Variants in ATF6 observed in about 807,000 individuals in gnomAD.
The protein encoded by ATF6 is cyclic AMP-dependent transcription factor ATF-6 alpha.
ATF6 carries 53 observed loss-of-function variants against 83.6 expected under a neutral mutation model. The ratio of observed to expected loss-of-function variants is 0.63; its 90% CI spans 0.51 to 0.80. ATF6 has a LOEUF of 0.80. Among genes scored for constraint, ATF6 ranks in the 30% least tolerant of loss-of-function variants. ATF6 has a pLI of 0.00. For synonymous variants in ATF6, 288 were observed against 285.8 expected (o/e 1.01, Z -0.08); for missense variants, 744 against 797.9 (o/e 0.93, Z 0.81).
At chr1:161,880,036 A>G (rs1390926493) in intron 14 of ATF6, among the ~76,000 whole-genome samples, 1 of 152,146 alleles carries the variant, frequency 6.6e-6, no homozygotes, top group Non-Finnish European at 1.5e-5. Context: ...CTTTATAGCA[A>G]TCAGGGAACT....
intron 14 of ATF6, among the ~76,000 whole-genome samples, chr1:161,909,913 G>T (rs1362976482): frequency 1.3e-5 from 2 of 152,162 alleles, no homozygotes; most frequent in African/African-American, 2.4e-5. Flanking sequence ...TGGAGATCGT[G>T]CCACTGCACT....
chr1:161,888,252 T>G (rs1182123295), intron 14 of ATF6, among the ~76,000 whole-genome samples: 1 of 152,222 alleles, frequency 6.6e-6, no homozygotes, highest in African/African-American at 2.4e-5. Flanking sequence ...CAACTAGAAG[T>G]ATTTACTTTT....
rs746444105 is a variant in ATF6 at position 161,802,045 on chromosome 1, A to T, written c.689-7A>T. 1.2e-6 allele frequency: 2 copies of T among 1,613,740 alleles called. No homozygotes were observed. Among genetic ancestry groups the T allele is most frequent in the East Asian group, 4.5e-5 (2 of 44,894 alleles). ...CCCTTTGATTCCTTTTCTTTTTTCT[A>T]ACGCAGGCCAGACGGTTTTGCTGTC... On this transcript the variant is annotated splice_polypyrimidine_tract_variant and splice_region_variant and intron_variant, in intron 6 of 15. Transcript: ENST00000367942.
At chr1:161,817,530 AGT>A (rs1685642178) in intron 7 of ATF6, among the ~76,000 whole-genome samples, 1 of 151,746 alleles carries the variant, frequency 6.6e-6, no homozygotes, top group Non-Finnish European at 1.5e-5. Context: ...TGTGTGTGTG[AGT>A]GTGTGTGCAT....
intron 14 of ATF6, among the ~76,000 whole-genome samples, chr1:161,879,488 G>C (rs188671858): frequency 2.0e-5 from 3 of 152,094 alleles, no homozygotes; most frequent in African/African-American, 7.2e-5. Context: ...TTACAATATG[G>C]TGTGATGGTT....
At chr1:161,878,028 A>G (rs1687251430) in intron 14 of ATF6, among the ~76,000 whole-genome samples, 1 of 152,114 alleles carries the variant, frequency 6.6e-6, no homozygotes, top group South Asian at 2.1e-4. Flanking sequence ...ATTCAAGGGA[A>G]TGTGTGCAAT....
chr1:161,936,419 C>G (rs1688537913), intron 15 of ATF6, among the ~76,000 whole-genome samples: 1 of 152,118 alleles, frequency 6.6e-6, no homozygotes, highest in South Asian at 2.1e-4. Flanking sequence ...AATGCAGTAT[C>G]CATCCCTTCA....
At chr1:161,915,477 G>T in intron 15 of ATF6, among the ~76,000 whole-genome samples, 1 of 152,066 alleles carries the variant, frequency 6.6e-6, no homozygotes, top group East Asian at 1.9e-4. Flanking sequence ...AGACATCATT[G>T]CCAACTTCTA....
chr1:161,780,381 AT>A (rs1328968342), intron 2 of ATF6, among the ~76,000 whole-genome samples: 10 of 145,814 alleles, frequency 6.9e-5, no homozygotes, highest in African/African-American at 1.8e-4. Context: ...TTTTATTTTT[AT>A]TTTTTTTTTG....
chr1:161,886,472 A>G (rs1339585361), intron 14 of ATF6, among the ~76,000 whole-genome samples: 1 of 152,258 alleles, frequency 6.6e-6, no homozygotes, highest in Non-Finnish European at 1.5e-5. Context: ...TCTTCATTGT[A>G]CAAACGTCAT....
chr1:161,836,306 A>G (rs554234195), intron 9 of ATF6, among the ~76,000 whole-genome samples: 2 of 152,186 alleles, frequency 1.3e-5, no homozygotes, highest in Non-Finnish European at 2.9e-5. Context: ...TGATATCACT[A>G]TTGGCTGTAG....
chr1:161,880,841 T>G (rs572363325), intron 14 of ATF6, among the ~76,000 whole-genome samples: 54 of 152,234 alleles, frequency 3.5e-4, no homozygotes, highest in African/African-American at 1.3e-3. Flanking sequence ...GTACAAGTGG[T>G]TGTACCATTT....
chr1:161,834,383 C>T (rs1473424642), intron 9 of ATF6, among the ~76,000 whole-genome samples: 1 of 151,888 alleles, frequency 6.6e-6, no homozygotes, highest in African/African-American at 2.4e-5. Context: ...ACCCAAATGT[C>T]CAACAATGAT....
intron 15 of ATF6, among the ~76,000 whole-genome samples, chr1:161,957,312 T>C (rs1688988044): frequency 6.6e-6 from 1 of 152,220 alleles, no homozygotes; most frequent in African/African-American, 2.4e-5. Flanking sequence ...AACTAGGTTG[T>C]TGCCGGCAGT....
intron 14 of ATF6, among the ~76,000 whole-genome samples, chr1:161,911,434 T>C (rs1033676759): frequency 3.9e-5 from 6 of 152,270 alleles, no homozygotes; most frequent in African/African-American, 1.4e-4. Context: ...ACACTTATAC[T>C]CTGCCTTTTC....
intron 15 of ATF6, among the ~76,000 whole-genome samples, chr1:161,914,576 A>G (rs1688053228): frequency 6.6e-6 from 1 of 152,100 alleles, no homozygotes; most frequent in East Asian, 1.9e-4. Context: ...TCTAGACCTT[A>G]TCATCATCAA....
intron 15 of ATF6, among the ~76,000 whole-genome samples, chr1:161,936,531 C>G (rs1688539593): frequency 6.6e-6 from 1 of 152,082 alleles, no homozygotes; most frequent in Non-Finnish European, 1.5e-5. Context: ...TCTACCCTAT[C>G]TCTCTCATCA....
chr1:161,786,328 T>C (rs1231924224), intron 4 of ATF6, among the ~76,000 whole-genome samples: 6 of 152,148 alleles, frequency 3.9e-5, no homozygotes, highest in African/African-American at 1.4e-4. Flanking sequence ...TTCTCTTTAA[T>C]ATTTTAGGTG....
chr1:161,883,769 T>C (rs1342308786), intron 14 of ATF6, among the ~76,000 whole-genome samples: 1 of 152,028 alleles, frequency 6.6e-6, no homozygotes, highest in Non-Finnish European at 1.5e-5. Context: ...TGTAATTGCA[T>C]AAGGTCGCTA....
Sources: allele counts gnomAD v4.1 joint callset (sites outside exome capture counted in the v4.1 genomes callset), GRCh38; gene constraint gnomAD v4.1.1; transcripts MANE v1.5; gene names NCBI Gene and HGNC (gene_info 2026-07-23, HGNC 2026-07-21).